ADAMTS17: variants seen among roughly 807,000 people sequenced by gnomAD.
ADAMTS17 encodes ADAM metallopeptidase with thrombospondin type 1 motif 17, also known as A disintegrin and metalloproteinase with thrombospondin motifs 17.
A neutral mutation model predicts 141.5 loss-of-function variants in ADAMTS17; 113 were observed. The observed-to-expected ratio is 0.80, with a 90% CI of 0.69 to 0.93. The LOEUF is 0.93. Among genes scored for constraint, ADAMTS17 ranks in the 40% least tolerant of loss-of-function variants. ADAMTS17 has a pLI of 0.00. For synonymous variants in ADAMTS17, 768 were observed against 630.6 expected (o/e 1.22, Z -3.27); for missense variants, 1,659 against 1,517.9 (o/e 1.09, Z -1.54).
chr15:100,198,390 G>A (rs912188358), intron 8 of ADAMTS17, among the ~76,000 whole-genome samples: 3 of 152,090 alleles, frequency 2.0e-5, no homozygotes, highest in Non-Finnish European at 4.4e-5. Flanking sequence ...CTTTACTCTC[G>A]TAAAAACTAG....
At chr15:99,978,961 T>G (rs569369641) in intron 20 of ADAMTS17, 1 of 152,232 alleles carries the variant, frequency 6.6e-6, no homozygotes, top group Admixed American at 6.5e-5. Context: ...TTCTTCCTGT[T>G]AAGGAGTAGT....
At chr15:100,045,547 C>T (rs749289090) in intron 18 of ADAMTS17, among the ~76,000 whole-genome samples, 4 of 152,192 alleles carry the variant, frequency 2.6e-5, no homozygotes, top group Non-Finnish European at 5.9e-5. Flanking sequence ...TGGAGTCTGG[C>T]CGGCCTGTCT....
intron 3 of ADAMTS17, 137 bp from the exon 4 acceptor site, chr15:100,281,538 T>C (rs2044284011): frequency 8.7e-7 from 1 of 1,148,594 alleles, no homozygotes. Context: ...CACCCAGCAA[T>C]CTCCACCGTC....
intron 3 of ADAMTS17, among the ~76,000 whole-genome samples, chr15:100,294,436 C>A (rs945660052): frequency 5.3e-5 from 8 of 151,728 alleles, no homozygotes; most frequent in African/African-American, 1.9e-4. Flanking sequence ...GGAACTGATA[C>A]AAAAATAACA....
intron 15 of ADAMTS17, among the ~76,000 whole-genome samples, chr15:100,092,812 T>A (rs2035548434): frequency 6.6e-6 from 1 of 152,226 alleles, no homozygotes; most frequent in Admixed American, 6.5e-5. Context: ...CCCACAGGTA[T>A]CCTTGGCTGG....
intron 15 of ADAMTS17, among the ~76,000 whole-genome samples, chr15:100,060,796 G>A (rs927012711): frequency 6.6e-6 from 1 of 152,246 alleles, no homozygotes; most frequent in African/African-American, 2.4e-5. Flanking sequence ...AGCGTGGGCT[G>A]AAGGTAGGTG....
At position 100,325,228 on chromosome 15, in the gene ADAMTS17, G is replaced by C. The variant is rs575242263; in HGVS notation, c.616+5661C>G. 2.0e-5 allele frequency among the ~76,000 whole-genome samples: 3 copies of C among 152,290 alleles called. No homozygotes were observed. In the South Asian group the frequency reaches 6.2e-4, roughly 32 times the overall value. On this transcript the variant is annotated intron_variant, in intron 3 of 21. Transcript: ENST00000268070. ...TAAGAAAACAGAGGCTGTGTGGCTTGAACTATGCACCACACCCCTGCCCAC... is the reference window on the plus strand; with the variant it reads ...TAAGAAAACAGAGGCTGTGTGGCTTCAACTATGCACCACACCCCTGCCCAC...
Position 100,176,054 on chromosome 15 carries a change from G to A in ADAMTS17, c.1182-20734C>T, listed in dbSNP as rs547402205. ...AGGCCCTGCTGCCCAGGCCACAGGCGCAAACTCCCTCATGAGGTGGATGGT... is the reference window on the plus strand; with the variant it reads ...AGGCCCTGCTGCCCAGGCCACAGGCACAAACTCCCTCATGAGGTGGATGGT... On this transcript the variant is annotated intron_variant, in intron 8 of 21. Transcript: ENST00000268070. Among the ~76,000 whole-genome samples, 49 of 152,268 alleles carry A rather than the reference G, an allele frequency of 3.2e-4. No individual in the cohort carries two copies. In the South Asian group the frequency reaches 4.2e-3, roughly 13 times the overall value.
intron 16 of ADAMTS17, among the ~76,000 whole-genome samples, chr15:100,052,532 G>A (rs1453775876): frequency 6.6e-6 from 1 of 152,228 alleles, no homozygotes; most frequent in Non-Finnish European, 1.5e-5. Flanking sequence ...CTAACCACTT[G>A]CTCAGTTTAC....
At chr15:99,987,572 T>C (rs1328227894) in intron 20 of ADAMTS17, among the ~76,000 whole-genome samples, 2 of 152,100 alleles carry the variant, frequency 1.3e-5, no homozygotes. Flanking sequence ...CATGGCACCA[T>C]CTGCAAGCTG....
At chr15:100,272,024 T>C (rs1431709095) in intron 4 of ADAMTS17, among the ~76,000 whole-genome samples, 1 of 100,924 alleles carries the variant, frequency 9.9e-6, no homozygotes, top group East Asian at 3.2e-4. Flanking sequence ...TATTTGACCA[T>C]ATATATGTGT....
At chr15:100,336,758 G>C (rs771974431) in intron 2 of ADAMTS17, among the ~76,000 whole-genome samples, 1 of 152,092 alleles carries the variant, frequency 6.6e-6, no homozygotes. Flanking sequence ...TCAATCAATC[G>C]AAAGGGTTTG....
intron 15 of ADAMTS17, among the ~76,000 whole-genome samples, chr15:100,086,332 C>T (rs932617909): frequency 4.6e-5 from 7 of 150,700 alleles, no homozygotes; most frequent in Non-Finnish European, 1.0e-4. Flanking sequence ...TACAGGAGCA[C>T]CCAGATTCAT....
At chr15:100,182,122 G>A (rs1410416623) in intron 8 of ADAMTS17, among the ~76,000 whole-genome samples, 2 of 152,184 alleles carry the variant, frequency 1.3e-5, no homozygotes, top group Admixed American at 6.5e-5. Flanking sequence ...ACCCGAGTCT[G>A]GGTAATTTAT....
chr15:100,262,228 A>T, intron 5 of ADAMTS17, 124 bp downstream of exon 5: 1 of 867,930 alleles, frequency 1.2e-6, no homozygotes, highest in Admixed American at 2.1e-5. Context: ...TCACGCTGGC[A>T]AAGCCACAGA....
intron 10 of ADAMTS17, among the ~76,000 whole-genome samples, chr15:100,145,366 CCTGA>C (rs1264048102): frequency 6.6e-6 from 1 of 152,178 alleles, no homozygotes; most frequent in African/African-American, 2.4e-5. Context: ...CCCTAAAACT[CCTGA>C]CTATGAATAT....
At chr15:100,116,148 A>C (rs28493171) in intron 13 of ADAMTS17, among the ~76,000 whole-genome samples, 43 of 142,506 alleles carry the variant, frequency 3.0e-4, no homozygotes, top group African/African-American at 6.7e-4. Flanking sequence ...AAAAAAAAAA[A>C]AAAAAAAAAA....
chr15:100,129,397 AT>A (rs2037916137), intron 12 of ADAMTS17: 1 of 152,220 alleles, frequency 6.6e-6, no homozygotes, highest in Non-Finnish European at 1.5e-5. Context: ...ATTCCCATGA[AT>A]TCTTCCAAGT....
At chr15:100,160,661 C>A (rs1291100769) in intron 8 of ADAMTS17, among the ~76,000 whole-genome samples, 1 of 152,230 alleles carries the variant, frequency 6.6e-6, no homozygotes, top group Non-Finnish European at 1.5e-5. Flanking sequence ...CCGAAGCACA[C>A]CACGTCCAGT....
Sources: gnomAD v4.1 joint callset for allele counts (sites outside exome capture counted in the v4.1 genomes callset) on GRCh38, gnomAD v4.1.1 for gene constraint, MANE v1.5 for transcripts, NCBI Gene and HGNC (gene_info 2026-07-23, HGNC 2026-07-21) for gene names.